MYO10: variants seen among roughly 807,000 people sequenced by gnomAD.
MYO10 encodes the protein unconventional myosin-X.
A neutral mutation model predicts 257.3 loss-of-function variants in MYO10; 133 were observed. The observed-to-expected ratio is 0.52, with a 90% CI of 0.45 to 0.60. The LOEUF is 0.60. Ranked by LOEUF, MYO10 falls within the 20% of genes least tolerant of loss-of-function variation. The pLI, the probability that MYO10 is intolerant of heterozygous loss-of-function variation, is 0.00. For missense variants in MYO10, 2,399 were observed against 2,635.7 expected, an observed-to-expected ratio of 0.91 and a Z score of 1.97; for synonymous variants, 1,104 against 1,028.6, an observed-to-expected ratio of 1.07 and a Z score of -1.40.
chr5:16,884,875 A>G (rs1744851748), intron 1 of MYO10, among the ~76,000 whole-genome samples: 1 of 152,154 alleles, frequency 6.6e-6, no homozygotes, highest in South Asian at 2.1e-4. Context: ...GAGAATCACT[A>G]TTCTAGAGTA....
chr5:16,849,729 C>T (rs935590673), intron 2 of MYO10, among the ~76,000 whole-genome samples: 2 of 152,134 alleles, frequency 1.3e-5, no homozygotes, highest in South Asian at 2.1e-4. Flanking sequence ...GATACTTGTT[C>T]GCAAAATACT....
chr5:16,901,435 A>C (rs888352832), intron 1 of MYO10, among the ~76,000 whole-genome samples: 9 of 152,058 alleles, frequency 5.9e-5, no homozygotes, highest in African/African-American at 2.2e-4. Flanking sequence ...ACAACCCAAG[A>C]ACCTGGTGAA....
rs201833279 is a variant in MYO10, at chr5:16,662,341, G to T, written c.*4351C>A. ...ATTTTTTTTTTTTTTTTTTTTTTTTGGAGACAGAGTCTTGCTCTGTCACCC... is the reference window on the plus strand; with the variant it reads ...ATTTTTTTTTTTTTTTTTTTTTTTTTGAGACAGAGTCTTGCTCTGTCACCC... On this transcript the variant is annotated 3_prime_UTR_variant, in exon 41 of 41. Transcript: ENST00000513610. 9 of 13,766 alleles carry T rather than the reference G, an allele frequency of 6.5e-4. No individual in the cohort carries two copies. Among genetic ancestry groups the T allele is most frequent in the Non-Finnish European group, 9.8e-4 (6 of 6,126 alleles). The allele number at this position is 13,766 out of a possible 1,614,324, so 0.9% of individuals were successfully genotyped here.
At chr5:16,828,954 C>T (rs564925139) in intron 2 of MYO10, among the ~76,000 whole-genome samples, 1 of 152,252 alleles carries the variant, frequency 6.6e-6, no homozygotes, top group African/African-American at 2.4e-5. Context: ...TAAGTTTCCT[C>T]AATCACTCAT....
chr5:16,747,440 C>A (rs148817625), intron 19 of MYO10, among the ~76,000 whole-genome samples: 2 of 152,164 alleles, frequency 1.3e-5, no homozygotes, highest in Non-Finnish European at 2.9e-5. Context: ...AGTAACTCAA[C>A]GTTACTGAGC....
At position 16,665,668 on chromosome 5, in the gene MYO10, T is replaced by C. The variant is rs1736131347; in HGVS notation, c.*1024A>G. The stretch of plus-strand genomic sequence containing the variant: ...ACATGGTTATTATATCTGTAATCTA[T>C]CCAGAATGATAGAAGCTAACCTTCC... On this transcript the variant is annotated 3_prime_UTR_variant, in exon 41 of 41. Coordinates refer to ENST00000513610, the MANE Select transcript of MYO10 (RefSeq NM_012334.3). 1 of 152,516 alleles carries C rather than the reference T, an allele frequency of 6.6e-6. No homozygotes were observed. The highest frequency in any genetic ancestry group is 1.5e-5 in the Non-Finnish European group (1 of 68,034). The allele number at this position is 152,516 out of a possible 1,614,324, so 9.4% of individuals were successfully genotyped here.
intron 2 of MYO10, 72 bp downstream of exon 2, chr5:16,877,537 A>G: frequency 8.2e-7 from 1 of 1,219,764 alleles, no homozygotes; most frequent in Non-Finnish European, 1.2e-6. Flanking sequence ...GGGGCCAAGC[A>G]CACATGCCCT....
intron 3 of MYO10, among the ~76,000 whole-genome samples, chr5:16,799,531 C>T (rs190467052): frequency 1.2e-3 from 185 of 151,188 alleles, no homozygotes; most frequent in African/African-American, 4.3e-3. Context: ...CTCGCTCTGT[C>T]ATCCAGGCTG....
chr5:16,685,543 G>A (rs954494011), intron 29 of MYO10, among the ~76,000 whole-genome samples, 195 bp downstream of exon 29: 1 of 151,940 alleles, frequency 6.6e-6, no homozygotes, highest in African/African-American at 2.4e-5. Flanking sequence ...GTATTATATT[G>A]TACCACTTAT....
At chr5:16,795,885 C>G (rs1003874371) in intron 3 of MYO10, among the ~76,000 whole-genome samples, 5 of 151,884 alleles carry the variant, frequency 3.3e-5, no homozygotes, top group Admixed American at 2.0e-4. Flanking sequence ...ATAACGTGAC[C>G]ATTTCGAAAA....
chr5:16,736,079 A>C (rs1268192914), intron 19 of MYO10, among the ~76,000 whole-genome samples: 1 of 152,174 alleles, frequency 6.6e-6, no homozygotes, highest in Non-Finnish European at 1.5e-5. Context: ...ACCAGGACAA[A>C]GAACAAAAAA....
rs1579859781 is a variant in MYO10, at chr5:16,701,792, C to T, written c.2603G>A (p.Ser868Asn). The T allele has an allele frequency of 1.9e-6, 3 of 1,612,808 alleles. No individual in the cohort carries two copies. In the African/African-American group the frequency reaches 4.0e-5, roughly 22 times the overall value. ...KQQELEALQK[S>N]QKEAELTREL... is the part of the protein sequence containing the mutation. ...ACGGGTCAGTTCAGCTTCCTTCTGG[C>T]TCTTCTGCAAGGCTTCGAGTTCTTG... The change falls in exon 25 of 41, where the codon AGC becomes AAC. Residue 868 changes from serine (S) to asparagine (N), a missense_variant. Ser to Asn is a conservative substitution (Grantham distance 46, BLOSUM62 1). Coordinates refer to ENST00000513610, the MANE Select transcript of MYO10 (RefSeq NM_012334.3). This position sits in a 1 kb window ranked among gnomAD's most constrained non-coding sequence, Gnocchi z 8.1.
chr5:16,838,771 T>A (rs545103088), intron 2 of MYO10, among the ~76,000 whole-genome samples: 1 of 152,330 alleles, frequency 6.6e-6, no homozygotes, highest in East Asian at 1.9e-4. Flanking sequence ...TAGGGGTTAA[T>A]GCAAATGAGG....
intron 2 of MYO10, among the ~76,000 whole-genome samples, chr5:16,859,957 T>C (rs527757504): frequency 2.0e-5 from 3 of 152,038 alleles, no homozygotes; most frequent in South Asian, 4.1e-4. Flanking sequence ...GAAACATAAA[T>C]ATAACTTAAC....
At chr5:16,807,621 C>T (rs934752835) in intron 3 of MYO10, among the ~76,000 whole-genome samples, 1 of 152,052 alleles carries the variant, frequency 6.6e-6, no homozygotes, top group African/African-American at 2.4e-5. Context: ...AGCATGCAAC[C>T]TTTGTTCTGG....
chr5:16,677,934 T>C (rs26753), intron 33 of MYO10, among the ~76,000 whole-genome samples: 9,610 of 151,848 alleles, frequency 0.063, 1,012 homozygotes, highest in African/African-American at 0.22. Flanking sequence ...CTAACTTTTG[T>C]ATTTTCACAA....
chr5:16,901,496 G>A (rs1745377576), intron 1 of MYO10, among the ~76,000 whole-genome samples: 1 of 152,116 alleles, frequency 6.6e-6, no homozygotes, highest in Non-Finnish European at 1.5e-5. Flanking sequence ...GAGCGTATTT[G>A]TCTCTTACCA....
intron 2 of MYO10, among the ~76,000 whole-genome samples, chr5:16,823,659 G>C (rs1742908511): frequency 6.7e-6 from 1 of 150,254 alleles, no homozygotes; most frequent in South Asian, 2.1e-4. Flanking sequence ...ATTTTTAGTA[G>C]AGACAGGTTT....
intron 2 of MYO10, among the ~76,000 whole-genome samples, chr5:16,874,901 C>G (rs1580101919): frequency 6.6e-6 from 1 of 152,140 alleles, no homozygotes; most frequent in Admixed American, 6.6e-5. Context: ...ATTGGACTTA[C>G]AGTTCCACAT....
Sources: allele counts gnomAD v4.1 joint callset (sites outside exome capture counted in the v4.1 genomes callset), GRCh38; gene constraint gnomAD v4.1.1; non-coding constraint Gnocchi (gnomAD v3.1); transcripts MANE v1.5; gene names NCBI Gene and HGNC (gene_info 2026-07-23, HGNC 2026-07-21).